RAP1GAP2: variants seen among roughly 807,000 people sequenced by gnomAD.
The protein encoded by RAP1GAP2 is RAP1 GTPase activating protein 2, also known as rap1 GTPase-activating protein 2.
RAP1GAP2 carries 27 observed loss-of-function variants against 95.0 expected under a neutral mutation model. The observed-to-expected ratio is 0.28, with a 90% confidence interval of 0.21 to 0.39. RAP1GAP2 has a LOEUF of 0.39. RAP1GAP2 is among the 10% of genes least tolerant of loss of function. The probability of loss-of-function intolerance (pLI) is 1.00; values close to 1 mark genes in which losing one functional copy is unlikely to be tolerated. For missense variants in RAP1GAP2, 771 were observed against 970.0 expected (o/e 0.79, Z 2.72); for synonymous variants, 373 against 380.9 (o/e 0.98, Z 0.24).
intron 1 of RAP1GAP2, among the ~76,000 whole-genome samples, chr17:2,780,952 G>GT (rs1211531563): frequency 2.0e-5 from 3 of 152,150 alleles, no homozygotes; most frequent in Admixed American, 6.5e-5. Context: ...GGTGTGTTTT[G>GT]TGTTTCTGAT....
rs1364830142 is a variant in RAP1GAP2, at chr17:2,906,109, C to T, written c.165+741C>T. Among the ~76,000 whole-genome samples the T allele has an allele frequency of 6.6e-6, 1 of 152,074 alleles. No homozygotes were observed. The highest frequency in any genetic ancestry group is 1.5e-5 in the Non-Finnish European group (1 of 68,008). On this transcript the variant is annotated intron_variant, in intron 3 of 24. Transcript: ENST00000254695. The surrounding 1 kb of genome is among the most constrained non-coding windows in gnomAD (Gnocchi z 4.3). ...TCCCTCCCTCCCTCCCTGCCTCCCT[C>T]CTTCCTTCACACTCTGTGGAGTGAG...
chr17:2,835,702 G>T (rs1197304881), intron 2 of RAP1GAP2, among the ~76,000 whole-genome samples: 2 of 152,204 alleles, frequency 1.3e-5, no homozygotes, highest in Non-Finnish European at 2.9e-5. Flanking sequence ...TCCAGCCTGG[G>T]TGCATTCCAG....
chr17:2,909,635 G>T (rs2042307008), intron 3 of RAP1GAP2, among the ~76,000 whole-genome samples: 1 of 152,214 alleles, frequency 6.6e-6, no homozygotes, highest in Non-Finnish European at 1.5e-5. Context: ...CCTCAGGCAG[G>T]CCCGGAGCAG....
intron 2 of RAP1GAP2, among the ~76,000 whole-genome samples, chr17:2,838,078 G>A (rs2071220772): frequency 7.1e-6 from 1 of 140,194 alleles, no homozygotes; most frequent in Admixed American, 7.7e-5. Flanking sequence ...GAGTGCGGTG[G>A]TGCGATCTCG....
At chr17:2,791,287 G>A (rs2068918711) in intron 1 of RAP1GAP2, among the ~76,000 whole-genome samples, 1 of 152,080 alleles carries the variant, frequency 6.6e-6, no homozygotes, top group African/African-American at 2.4e-5. Context: ...CTGGGACTTT[G>A]CCCCAGGCTG....
intron 3 of RAP1GAP2, among the ~76,000 whole-genome samples, chr17:2,917,349 C>T (rs1165406142): frequency 6.6e-6 from 1 of 152,122 alleles, no homozygotes; most frequent in Non-Finnish European, 1.5e-5. Flanking sequence ...CGGCTCACTG[C>T]AACCTCTGCC....
At chr17:2,882,640 G>T (rs1235341575) in intron 2 of RAP1GAP2, among the ~76,000 whole-genome samples, 4 of 152,214 alleles carry the variant, frequency 2.6e-5, no homozygotes, top group Admixed American at 6.5e-5. Flanking sequence ...GGCCAGGATG[G>T]TTGATTGGCT....
chr17:2,891,270 C>T (rs1378878060), intron 2 of RAP1GAP2, among the ~76,000 whole-genome samples: 1 of 151,952 alleles, frequency 6.6e-6, no homozygotes, highest in Non-Finnish European at 1.5e-5. Flanking sequence ...ACCTCAGCTT[C>T]CCAAATAGCT....
chr17:2,990,948 G>A (rs367641451), intron 11 of RAP1GAP2, among the ~76,000 whole-genome samples: 1 of 151,090 alleles, frequency 6.6e-6, no homozygotes. Context: ...AGGCTCAAGC[G>A]ATTCTCCTCT....
chr17:2,781,696 G>A (rs2068656017), intron 1 of RAP1GAP2, among the ~76,000 whole-genome samples: 1 of 136,670 alleles, frequency 7.3e-6, no homozygotes, highest in Admixed American at 7.0e-5. Flanking sequence ...AGGTCTCTGT[G>A]TGTGCACGTC....
At chr17:2,832,483 A>G (rs376821576) in intron 2 of RAP1GAP2, among the ~76,000 whole-genome samples, 5,374 of 145,490 alleles carry the variant, frequency 0.037, 275 homozygotes, top group South Asian at 0.12. Flanking sequence ...GCGTGAACCC[A>G]GGAGGTGGAG....
In RAP1GAP2 at chr17:3,003,526, G is replaced by A. The variant is rs944320755; in HGVS notation, c.1201-1843G>A. Among the ~76,000 whole-genome samples the A allele has an allele frequency of 1.3e-5, 2 of 152,048 alleles. No individual in the cohort carries two copies. Among genetic ancestry groups the A allele is most frequent in the African/African-American group, 2.4e-5 (1 of 41,392 alleles). Reference sequence around the variant, plus strand: ...CGGACGATGCTCTGTGTGCCACCGCGGCTCCCAGGCCACTCTTGGGCGTGG... The same window carrying A: ...CGGACGATGCTCTGTGTGCCACCGCAGCTCCCAGGCCACTCTTGGGCGTGG... On this transcript the variant is annotated intron_variant, in intron 14 of 24. Transcript: ENST00000254695. The surrounding 1 kb of genome is among the most constrained non-coding windows in gnomAD (Gnocchi z 4.1).
chr17:2,956,511 C>T (rs943386871), intron 3 of RAP1GAP2, among the ~76,000 whole-genome samples: 5 of 152,214 alleles, frequency 3.3e-5, no homozygotes, highest in African/African-American at 4.8e-5. Flanking sequence ...GAGGCCCCAC[C>T]TCTGCCTGAA....
At chr17:2,840,538 C>G (rs1185100715) in intron 2 of RAP1GAP2, among the ~76,000 whole-genome samples, 1 of 151,928 alleles carries the variant, frequency 6.6e-6, no homozygotes, top group East Asian at 1.9e-4. Flanking sequence ...TCTTTCTTTT[C>G]TTTTTTCGCT....
chr17:2,828,236 G>A (rs966788225), intron 2 of RAP1GAP2, among the ~76,000 whole-genome samples: 2 of 152,120 alleles, frequency 1.3e-5, no homozygotes. Context: ...AGCTACTCGG[G>A]AGGCTGAGTC....
rs2042111110 is a variant in RAP1GAP2, at chr17:2,904,110, T to C, written c.81-1174T>C. On this transcript the variant is annotated intron_variant, in intron 2 of 24. Coordinates refer to ENST00000254695, the MANE Select transcript of RAP1GAP2 (RefSeq NM_015085.5). The surrounding 1 kb of genome is among the most constrained non-coding windows in gnomAD (Gnocchi z 4.7). ...GTAGAGGAGGACACACTTGTAAAGTTGGGGGCTTTGACGGCTCAGCCCGGC... is the reference window on the plus strand; with the variant it reads ...GTAGAGGAGGACACACTTGTAAAGTCGGGGGCTTTGACGGCTCAGCCCGGC... Among the ~76,000 whole-genome samples the C allele has an allele frequency of 6.6e-6, 1 of 152,118 alleles. No individual in the cohort carries two copies. Among genetic ancestry groups the C allele is most frequent in the Admixed American group, 6.5e-5 (1 of 15,268 alleles).
chr17:3,016,861 G>C (rs2046786773), intron 17 of RAP1GAP2, among the ~76,000 whole-genome samples: 1 of 152,240 alleles, frequency 6.6e-6, no homozygotes, highest in Non-Finnish European at 1.5e-5. Context: ...TGCTGGAGTA[G>C]AGGGCCCAGA....
chr17:2,858,358 C>G (rs536512897), intron 2 of RAP1GAP2, among the ~76,000 whole-genome samples: 4 of 152,034 alleles, frequency 2.6e-5, no homozygotes, highest in Non-Finnish European at 5.9e-5. Context: ...GAGTATCATA[C>G]CTGGTGGGTT....
chr17:2,931,436 T>C (rs1251632142), intron 3 of RAP1GAP2, among the ~76,000 whole-genome samples: 1 of 152,120 alleles, frequency 6.6e-6, no homozygotes, highest in Admixed American at 6.5e-5. Context: ...AGCTGAGTGA[T>C]TCCCCCAGCC....
Sources: allele counts gnomAD v4.1 joint callset (sites outside exome capture counted in the v4.1 genomes callset), GRCh38; gene constraint gnomAD v4.1.1; non-coding constraint Gnocchi (gnomAD v3.1); transcripts MANE v1.5; gene names NCBI Gene and HGNC (gene_info 2026-07-23, HGNC 2026-07-21).